The following TATDN1 variants were observed in gnomAD, a reference collection of about 807,000 sequenced individuals.
The protein encoded by TATDN1 is deoxyribonuclease TATDN1.
Under a neutral mutation model 46.4 loss-of-function variants are expected in TATDN1, and 40 were observed. The ratio of observed to expected loss-of-function variants is 0.86; its 90% CI spans 0.67 to 1.12. The LOEUF (loss-of-function observed/expected upper bound fraction) is 1.12. Among genes scored for constraint, TATDN1 ranks in the 50% most tolerant of loss-of-function variants. The pLI, the probability that TATDN1 is intolerant of heterozygous loss-of-function variation, is 0.00. For synonymous variants in TATDN1, 95 were observed against 105.6 expected, an observed-to-expected ratio of 0.90 and a Z score of 0.62; for missense variants, 326 against 348.4, an observed-to-expected ratio of 0.94 and a Z score of 0.51.
intron 1 of TATDN1, among the ~76,000 whole-genome samples, chr8:124,524,708 G>C (rs985059799): frequency 4.6e-5 from 7 of 152,198 alleles, no homozygotes; most frequent in African/African-American, 1.2e-4. Context: ...TTTGCAGAAG[G>C]GGGAGGGACT....
At chr8:124,536,905 GAAAA>G (rs796635513) in intron 1 of TATDN1, among the ~76,000 whole-genome samples, 1 of 141,266 alleles carries the variant, frequency 7.1e-6, no homozygotes, top group Non-Finnish European at 1.6e-5. Context: ...GTTTCAAAAG[GAAAA>G]AAAAAAACCT....
At chr8:124,492,081 T>G (rs1817055814) in intron 11 of TATDN1, among the ~76,000 whole-genome samples, 1 of 152,082 alleles carries the variant, frequency 6.6e-6, no homozygotes, top group South Asian at 2.1e-4. Context: ...TTCAAGCGAT[T>G]CTCCTGCCTC....
At chr8:124,520,103 G>A (rs913860328) in intron 3 of TATDN1, among the ~76,000 whole-genome samples, 10 of 152,078 alleles carry the variant, frequency 6.6e-5, no homozygotes, top group Middle Eastern at 3.4e-3. Flanking sequence ...TATCCATTCC[G>A]GAAACATAGC....
intron 1 of TATDN1, among the ~76,000 whole-genome samples, chr8:124,533,201 A>G (rs1049697266): frequency 6.6e-6 from 1 of 151,966 alleles, no homozygotes; most frequent in Non-Finnish European, 1.5e-5. Context: ...GCAGTGAGCC[A>G]AGATGGCGCC....
Position 124,504,352 on chromosome 8 carries a change from G to A in TATDN1, c.517-5C>T. 1 of 1,572,404 alleles carries A rather than the reference G, an allele frequency of 6.4e-7. No homozygotes were observed. The highest frequency in any genetic ancestry group is 1.4e-5 in the African/African-American group (1 of 73,360). On this transcript the variant is annotated splice_region_variant and splice_polypyrimidine_tract_variant and intron_variant, in intron 8 of 11. Coordinates refer to ENST00000276692, the MANE Select transcript of TATDN1 (RefSeq NM_032026.4). ...GGTACCATCAAATGAATGCACCTGG[G>A]GACATACAGGTATAAGTTTATTATT... is the stretch of plus-strand genomic sequence containing the variant.
chr8:124,504,237 A>T, intron 9 of TATDN1, 34 bp downstream of exon 9: 1 of 1,480,548 alleles, frequency 6.8e-7, no homozygotes. Context: ...CTGCTTAAAT[A>T]AAAGTTAAAA....
intron 3 of TATDN1, among the ~76,000 whole-genome samples, chr8:124,519,733 T>C (rs959976159): frequency 6.6e-6 from 1 of 152,200 alleles, no homozygotes; most frequent in Non-Finnish European, 1.5e-5. Flanking sequence ...GCTAATGAAT[T>C]CTCTGTAGGA....
chr8:124,502,748 G>GT (rs1182207153), intron 9 of TATDN1, among the ~76,000 whole-genome samples: 3 of 152,130 alleles, frequency 2.0e-5, no homozygotes, highest in African/African-American at 7.2e-5. Context: ...ACTACTTTTT[G>GT]TTTTCCTGGA....
At position 124,497,285 on chromosome 8, in the gene TATDN1, CTTCT is replaced by C. The variant is rs201986984; in HGVS notation, c.594-1747_594-1744del. ...TGCCCTCTGTATTTCCTTCTTTCTT[CTTCT>C]TTTTTTTTTTTTTTGAGATGGAGTC... On this transcript the variant is annotated intron_variant, in intron 9 of 11. Coordinates refer to ENST00000276692, the MANE Select transcript of TATDN1 (RefSeq NM_032026.4). 6.2e-3 allele frequency among the ~76,000 whole-genome samples: 905 copies of C among 147,088 alleles called. 8 individuals are homozygous for C. The highest frequency in any genetic ancestry group is 0.018 in the African/African-American group (718 of 38,962).
intron 9 of TATDN1, among the ~76,000 whole-genome samples, chr8:124,500,784 G>A (rs577020560): frequency 1.3e-5 from 2 of 149,222 alleles, no homozygotes; most frequent in African/African-American, 4.9e-5. Flanking sequence ...AAACTTACAG[G>A]GAGAAAACCA....
chr8:124,511,677 C>T (rs370542936), intron 6 of TATDN1, among the ~76,000 whole-genome samples: 6 of 151,472 alleles, frequency 4.0e-5, no homozygotes, highest in East Asian at 4.1e-4. Context: ...AATACTTTTT[C>T]CAGAAAAGGT....
At chr8:124,496,526 C>T (rs1203245441) in intron 9 of TATDN1, among the ~76,000 whole-genome samples, 1 of 152,226 alleles carries the variant, frequency 6.6e-6, no homozygotes, top group Non-Finnish European at 1.5e-5. Flanking sequence ...TATCTTTTGA[C>T]AGTCTCCATA....
rs372451031 is a variant in TATDN1 at position 124,520,386 on chromosome 8, G to A, written c.139-1505C>T. Among the ~76,000 whole-genome samples, 213 of 151,456 alleles carry A rather than the reference G, an allele frequency of 1.4e-3. 3 individuals are homozygous for A. The South Asian group carries it at 0.024, about 17-fold the overall frequency. On this transcript the variant is annotated intron_variant, in intron 3 of 11. Coordinates refer to ENST00000276692, the MANE Select transcript of TATDN1 (RefSeq NM_032026.4). ...CGGGAGGCAGAGGTTGCAGTGAGCC[G>A]AGATCGTGCCACTGCACTCCAGCCT...
chr8:124,535,428 C>T (rs7820232), intron 1 of TATDN1, among the ~76,000 whole-genome samples: 9,976 of 152,146 alleles, frequency 0.066, 1,101 homozygotes, highest in African/African-American at 0.22. Context: ...ATTTAAGGAA[C>T]AACCAAATGT....
intron 1 of TATDN1, among the ~76,000 whole-genome samples, chr8:124,529,645 A>G (rs761179911): frequency 6.6e-6 from 1 of 152,208 alleles, no homozygotes; most frequent in Non-Finnish European, 1.5e-5. Flanking sequence ...TGACATCACC[A>G]AACTAAACTA....
chr8:124,510,148 G>A (rs75486920), intron 6 of TATDN1, among the ~76,000 whole-genome samples: 4 of 152,056 alleles, frequency 2.6e-5, no homozygotes, highest in African/African-American at 9.7e-5. Context: ...GATTCTGCTG[G>A]GTTAGAATAA....
rs778035105 is a variant in TATDN1, at chr8:124,539,042, C to T, written c.5G>A (p.Ser2Asn). 1 of 1,613,816 alleles carries T rather than the reference C, an allele frequency of 6.2e-7. No homozygotes were observed. Among genetic ancestry groups the T allele is most frequent in the Non-Finnish European group, 8.5e-7 (1 of 1,179,820 alleles). The change falls in exon 1 of 12, where the codon AGT becomes AAT. Residue 2 changes from serine to asparagine, a missense_variant. Transcript: ENST00000276692. ...CCTCTTACCGATAAACTTGAAGCGA[C>T]TCATGACTGCGCATGGAGGACCTCC... is the stretch of plus-strand genomic sequence containing the variant. M[S>N]RFKFIDIGIN...
At position 124,516,016 on chromosome 8, in the gene TATDN1, T is replaced by C. The variant is rs763922647; in HGVS notation, c.217A>G (p.Thr73Ala). 3.7e-6 allele frequency: 6 copies of C among 1,607,310 alleles called. No individual in the cohort carries two copies. The highest frequency in any genetic ancestry group is 5.1e-6 in the Non-Finnish European group (6 of 1,177,840). ...CATCTTGTAGGATGACATCCAACTG[T>C]ACTGAAAAACATACCTAACAGAAAA... is the stretch of plus-strand genomic sequence containing the variant. ...LAQTNGMFFS[T>A]VGCHPTRCGE... Residue 73 changes from threonine to alanine, a missense_variant, in exon 5 of 12, where the codon ACA (threonine) becomes GCA (alanine). Transcript: ENST00000276692.
rs115115745 is a variant in TATDN1 at position 124,529,176 on chromosome 8, A to T, written c.23-6174T>A. ...CAAGTGCTGTCTTTGTTTCGGGCTCAGTCTTTGGACCTGAGTCTGCTGGGC... is the reference window on the plus strand; with the variant it reads ...CAAGTGCTGTCTTTGTTTCGGGCTCTGTCTTTGGACCTGAGTCTGCTGGGC... On this transcript the variant is annotated intron_variant, in intron 1 of 11. Coordinates refer to ENST00000276692, the MANE Select transcript of TATDN1 (RefSeq NM_032026.4). Among the ~76,000 whole-genome samples the T allele has an allele frequency of 5.9e-3, 893 of 152,320 alleles. 11 individuals are homozygous for T. Among genetic ancestry groups the T allele is most frequent in the African/African-American group, 0.021 (857 of 41,560 alleles).
Sources: allele counts gnomAD v4.1 joint callset (sites outside exome capture counted in the v4.1 genomes callset), GRCh38; gene constraint gnomAD v4.1.1; transcripts MANE v1.5; gene names NCBI Gene and HGNC (gene_info 2026-07-23, HGNC 2026-07-21).